APBA1: variants seen among roughly 807,000 people sequenced by gnomAD.
The protein encoded by APBA1 is amyloid beta precursor protein binding family A member 1, also known as amyloid-beta A4 precursor protein-binding family A member 1.
In APBA1, 55 loss-of-function variants were observed where a neutral mutation model predicts 86.6. The observed-to-expected ratio is 0.64, with a 90% CI of 0.51 to 0.80. APBA1 has a LOEUF of 0.80. Among genes scored for constraint, APBA1 ranks in the 30% least tolerant of loss-of-function variants. The pLI, the probability that APBA1 is intolerant of heterozygous loss-of-function variation, is 0.00. For missense variants in APBA1, 1,090 were observed against 1,183.0 expected (o/e 0.92, Z 1.15); for synonymous variants, 511 against 493.9 (o/e 1.03, Z -0.46).
intron 1 of APBA1, among the ~76,000 whole-genome samples, chr9:69,634,044 A>G (rs1330439492): frequency 1.3e-5 from 2 of 152,204 alleles, no homozygotes; most frequent in East Asian, 3.9e-4. Flanking sequence ...ACAACTATCC[A>G]CACAATAAAG....
At chr9:69,442,542 G>C (rs149111863) in intron 10 of APBA1, among the ~76,000 whole-genome samples, 54 of 152,308 alleles carry the variant, frequency 3.5e-4, no homozygotes, top group Middle Eastern at 3.4e-3. Context: ...GGGACTCAGG[G>C]AAAAGGCAAG....
intron 1 of APBA1, among the ~76,000 whole-genome samples, chr9:69,622,851 T>C (rs7856525): frequency 0.98 from 148,461 of 152,262 alleles, 72,484 homozygotes; most frequent in East Asian, 1. Flanking sequence ...CAACTTCTCA[T>C]GACAAACCCT....
chr9:69,538,120 A>T (rs1029065), intron 1 of APBA1, among the ~76,000 whole-genome samples: 12,314 of 152,212 alleles, frequency 0.081, 747 homozygotes, highest in East Asian at 0.28. Context: ...TTGGTTGACA[A>T]GGGTAACCTC....
intron 1 of APBA1, among the ~76,000 whole-genome samples, chr9:69,659,290 A>G (rs1250652186): frequency 6.6e-6 from 1 of 152,218 alleles, no homozygotes; most frequent in Non-Finnish European, 1.5e-5. Flanking sequence ...TAATTCCCCA[A>G]GTGGGAGAAG....
intron 1 of APBA1, among the ~76,000 whole-genome samples, chr9:69,664,605 AT>A (rs1823810506): frequency 6.6e-6 from 1 of 152,252 alleles, no homozygotes; most frequent in African/African-American, 2.4e-5. Context: ...TAAATTAATA[AT>A]TTTATATAAT....
At chr9:69,597,940 A>G (rs1049393331) in intron 1 of APBA1, among the ~76,000 whole-genome samples, 9 of 152,028 alleles carry the variant, frequency 5.9e-5, no homozygotes, top group Admixed American at 5.9e-4. Context: ...CTGGGTATAT[A>G]CCCAAAGGAC....
At chr9:69,456,505 C>T in intron 7 of APBA1, 73 bp from the exon 8 acceptor site, 1 of 1,454,052 alleles carries the variant, frequency 6.9e-7, no homozygotes, top group Non-Finnish European at 9.3e-7. Flanking sequence ...TGCCACCTTA[C>T]AGCCAGTCAA....
intron 10 of APBA1, among the ~76,000 whole-genome samples, chr9:69,448,010 C>A (rs1464680512): frequency 1.3e-5 from 2 of 152,030 alleles, no homozygotes; most frequent in Admixed American, 6.6e-5. Context: ...CCTCCCTAGC[C>A]CCACCCCCCC....
At chr9:69,497,022 G>T (rs1362199234) in intron 2 of APBA1, among the ~76,000 whole-genome samples, 1 of 152,020 alleles carries the variant, frequency 6.6e-6, no homozygotes, top group African/African-American at 2.4e-5. Context: ...AAATAAAACT[G>T]CCAGGCCTTC....
intron 1 of APBA1, among the ~76,000 whole-genome samples, chr9:69,631,899 C>T (rs1459057796): frequency 1.3e-5 from 2 of 151,958 alleles, no homozygotes; most frequent in African/African-American, 4.8e-5. Context: ...CACACTGGGA[C>T]CTGTCGTGGG....
chr9:69,506,106 G>A (rs957003635), intron 2 of APBA1, among the ~76,000 whole-genome samples: 9 of 151,932 alleles, frequency 5.9e-5, no homozygotes, highest in Non-Finnish European at 8.8e-5. Context: ...AGCTCCCAGC[G>A]AGAGCGACAC....
chr9:69,579,691 C>A (rs572711071), intron 1 of APBA1, among the ~76,000 whole-genome samples: 15 of 152,296 alleles, frequency 9.8e-5, no homozygotes, highest in African/African-American at 2.6e-4. Flanking sequence ...CGTCTTGGTG[C>A]TCACAAAGTG....
rs551894088 is a variant in APBA1, at chr9:69,589,193, C to T, written c.-69-71914G>A. 4.6e-5 allele frequency among the ~76,000 whole-genome samples: 7 copies of T among 152,220 alleles called. No homozygotes were observed. In the East Asian group the frequency reaches 1.2e-3, roughly 25 times the overall value. ...CTGGTCTCAAACTCCTGGGCTCAAG[C>T]GATCCACCTGCCTTGGCCTCCCAAA... On this transcript the variant is annotated intron_variant, in intron 1 of 12. Coordinates refer to ENST00000265381, the MANE Select transcript of APBA1 (RefSeq NM_001163.4).
intron 1 of APBA1, among the ~76,000 whole-genome samples, chr9:69,596,047 G>A (rs1822222116): frequency 6.6e-6 from 1 of 152,124 alleles, no homozygotes; most frequent in African/African-American, 2.4e-5. Flanking sequence ...GTGTGCAGTG[G>A]TGTGATCATA....
At chr9:69,609,527 T>C (rs989696267) in intron 1 of APBA1, among the ~76,000 whole-genome samples, 1 of 152,222 alleles carries the variant, frequency 6.6e-6, no homozygotes, top group African/African-American at 2.4e-5. Flanking sequence ...AATATGCACA[T>C]GGTTTACTAT....
chr9:69,638,369 T>G (rs1047445042), intron 1 of APBA1, among the ~76,000 whole-genome samples: 1 of 152,228 alleles, frequency 6.6e-6, no homozygotes, highest in Non-Finnish European at 1.5e-5. Context: ...GCTTCCCAAG[T>G]AGCTGGGATT....
chr9:69,589,692 T>G (rs1330334), intron 1 of APBA1, among the ~76,000 whole-genome samples: 106,303 of 151,978 alleles, frequency 0.7, 37,428 homozygotes, highest in East Asian at 0.83. Context: ...CTCAATTCAG[T>G]TAGCTTTCAA....
intron 1 of APBA1, among the ~76,000 whole-genome samples, chr9:69,557,975 T>C (rs1180029136): frequency 6.6e-6 from 1 of 152,204 alleles, no homozygotes; most frequent in African/African-American, 2.4e-5. Flanking sequence ...CTTCCACAAC[T>C]TTGATCATTT....
At chr9:69,630,032 A>G (rs1444084149) in intron 1 of APBA1, among the ~76,000 whole-genome samples, 1 of 150,128 alleles carries the variant, frequency 6.7e-6, no homozygotes, top group Non-Finnish European at 1.5e-5. Flanking sequence ...ATTAACTTAT[A>G]TACCATGTAA....
Sources: gnomAD v4.1 joint callset for allele counts (sites outside exome capture counted in the v4.1 genomes callset) on GRCh38, gnomAD v4.1.1 for gene constraint, MANE v1.5 for transcripts, NCBI Gene and HGNC (gene_info 2026-07-23, HGNC 2026-07-21) for gene names.